The following SEL1L3 variants were observed in gnomAD, a reference collection of about 807,000 sequenced individuals.
SEL1L3 encodes the protein protein sel-1 homolog 3.
In SEL1L3, 76 loss-of-function variants were observed where a neutral mutation model predicts 142.8. That is an observed-to-expected ratio of 0.53 (90% CI 0.44 to 0.64). SEL1L3 has a LOEUF of 0.64. SEL1L3 is among the 30% of genes least tolerant of loss of function. SEL1L3 has a pLI of 0.00. For missense variants in SEL1L3, 1,262 were observed against 1,381.7 expected (o/e 0.91, Z 1.37); for synonymous variants, 504 against 519.6 (o/e 0.97, Z 0.41).
the SEL1L3 span, among the ~76,000 whole-genome samples, chr4:25,730,347 A>AT: frequency 4.7e-3 from 705 of 150,016 alleles, 8 homozygotes; most frequent in African/African-American, 7.7e-3. Context: ...AACTTTTATT[A>AT]TTTTTTTTTT....
In SEL1L3 at chr4:25,847,867, GA is replaced by G. The variant is rs760319427; in HGVS notation, c.163-4del. On this transcript the variant is annotated splice_polypyrimidine_tract_variant and splice_region_variant and intron_variant, in intron 1 of 23. Transcript: ENST00000399878. ...CTACCCAAAGATGGTACAACATTCT[GA>G]AAAAAAGAAAAAGAAAGTAAGAAAT... 6.7e-6 allele frequency: 10 copies of G among 1,496,604 alleles called. No individual in the cohort carries two copies. In the South Asian group the frequency reaches 1.1e-4, roughly 16 times the overall value. 92.7% of individuals were successfully genotyped at this position (1,496,604 alleles called of 1,614,324 possible).
At chr4:25,724,775 AAAGAAATT>A in the SEL1L3 span, among the ~76,000 whole-genome samples, 1 of 145,216 alleles carries the variant, frequency 6.9e-6, no homozygotes, top group South Asian at 2.2e-4. Context: ...AAAAAAAGGA[AAAGAAATT>A]AAAAGGAAAA....
intron 23 of SEL1L3, among the ~76,000 whole-genome samples, chr4:25,754,351 CTTT>C (rs34663888): frequency 1.4e-4 from 20 of 142,656 alleles, no homozygotes; most frequent in Non-Finnish European, 1.5e-4. Flanking sequence ...TTATTGACAA[CTTT>C]TTTTTTTTTT....
chr4:25,779,058 C>A lies in SEL1L3; in HGVS notation c.2585+18G>T. The A allele has an allele frequency of 1.2e-6, 2 of 1,611,156 alleles. No individual in the cohort carries two copies. Among genetic ancestry groups the A allele is most frequent in the Non-Finnish European group, 1.7e-6 (2 of 1,178,298 alleles). On this transcript the variant is annotated intron_variant, in intron 16 of 23. Coordinates refer to ENST00000399878, the MANE Select transcript of SEL1L3 (RefSeq NM_015187.5). Reference sequence around the variant, plus strand: ...GATATGGCTTTCCCTTCAAATGCAACGTTTGACAGAGTCTTACACAACAGC... The same window carrying A: ...GATATGGCTTTCCCTTCAAATGCAAAGTTTGACAGAGTCTTACACAACAGC...
chr4:25,849,653 C>T (rs1350553314), intron 1 of SEL1L3, among the ~76,000 whole-genome samples: 2 of 152,148 alleles, frequency 1.3e-5, no homozygotes, highest in African/African-American at 2.4e-5. Context: ...CTGAACTGTA[C>T]ACTTAGAAAT....
Position 25,857,611 on chromosome 4 carries a change from G to A in SEL1L3, c.162+5064C>T, listed in dbSNP as rs117263637. On this transcript the variant is annotated intron_variant, in intron 1 of 23. Coordinates refer to ENST00000399878, the MANE Select transcript of SEL1L3 (RefSeq NM_015187.5). ...ACTGTTACAGCTGAGGCAATGGAAT[G>A]CCTTCAGAGAGGGTAAGTAACTTGC... Among the ~76,000 whole-genome samples, 37 of 152,320 alleles carry A rather than the reference G, an allele frequency of 2.4e-4. No homozygotes were observed. In the East Asian group the frequency reaches 6.2e-3, roughly 25 times the overall value.
At chr4:25,835,146 CAAAT>C in intron 3 of SEL1L3, 47 bp downstream of exon 3, 1 of 1,605,604 alleles carries the variant, frequency 6.2e-7, no homozygotes. Context: ...CTCTGGTCCT[CAAAT>C]AAAACAAGCA....
the SEL1L3 span, chr4:25,720,909 C>T: frequency 2.0e-5 from 3 of 152,170 alleles, no homozygotes; most frequent in Non-Finnish European, 4.4e-5. Flanking sequence ...GAGAGGACTT[C>T]TAAGGAGTAG....
intron 11 of SEL1L3, among the ~76,000 whole-genome samples, chr4:25,792,040 T>A (rs1017604874): frequency 2.0e-5 from 3 of 151,894 alleles, no homozygotes; most frequent in Non-Finnish European, 1.5e-5. Context: ...ACTCGGGGGC[T>A]GAGATTTGGT....
chr4:25,750,189 C>A (rs893271928), intron 23 of SEL1L3, among the ~76,000 whole-genome samples: 1 of 139,506 alleles, frequency 7.2e-6, no homozygotes, highest in East Asian at 2.2e-4. Flanking sequence ...GAGCTGAGAT[C>A]TTGTCACTGC....
the SEL1L3 span, among the ~76,000 whole-genome samples, chr4:25,733,675 C>A: frequency 6.6e-6 from 1 of 152,000 alleles, no homozygotes; most frequent in Admixed American, 6.6e-5. Context: ...CGCGCACCAC[C>A]GCGCCCGGCT....
chr4:25,814,000 T>C (rs1036982175), intron 9 of SEL1L3, among the ~76,000 whole-genome samples: 1 of 152,094 alleles, frequency 6.6e-6, no homozygotes, highest in Non-Finnish European at 1.5e-5. Flanking sequence ...AATCACACAG[T>C]GTGGGGGAAA....
At chr4:25,719,290 G>T in the SEL1L3 span, 1 of 152,168 alleles carries the variant, frequency 6.6e-6, no homozygotes, top group Non-Finnish European at 1.5e-5. Context: ...CTACTAATGT[G>T]TAAAATAAGA....
At chr4:25,862,424 C>G (rs1717782390) in intron 1 of SEL1L3, among the ~76,000 whole-genome samples, 1 of 151,962 alleles carries the variant, frequency 6.6e-6, no homozygotes, top group Admixed American at 6.5e-5. Flanking sequence ...CGACCCGGGT[C>G]TAGAGAGAGT....
At chr4:25,746,035 A>G (rs1717251797), downstream of SEL1L3, among the ~76,000 whole-genome samples, 1 of 152,166 alleles carries the variant, frequency 6.6e-6, no homozygotes, top group Non-Finnish European at 1.5e-5. Flanking sequence ...CTTTGCTCAA[A>G]TCTCAGTGTT....
At chr4:25,782,935 T>G (rs7676130) in intron 14 of SEL1L3, among the ~76,000 whole-genome samples, 104,080 of 151,952 alleles carry the variant, frequency 0.68, 36,956 homozygotes, top group African/African-American at 0.88. Flanking sequence ...GTTCTGACAG[T>G]GGGTTCAGGG....
the SEL1L3 span, among the ~76,000 whole-genome samples, chr4:25,733,358 T>C: frequency 8.5e-5 from 13 of 152,110 alleles, no homozygotes; most frequent in Non-Finnish European, 5.9e-5. Flanking sequence ...TCCCTCAGTA[T>C]TTCTTATTGT....
chr4:25,850,062 G>A (rs1465535252), intron 1 of SEL1L3, among the ~76,000 whole-genome samples: 3 of 152,192 alleles, frequency 2.0e-5, no homozygotes, highest in Non-Finnish European at 4.4e-5. Flanking sequence ...CATAAGCCGG[G>A]CAAGAGGCAG....
At chr4:25,751,588 G>A (rs963922561) in intron 23 of SEL1L3, among the ~76,000 whole-genome samples, 1 of 151,582 alleles carries the variant, frequency 6.6e-6, no homozygotes, top group African/African-American at 2.4e-5. Context: ...GGTGGAATGC[G>A]AGCCAGGAGT....
Sources: allele counts gnomAD v4.1 joint callset (sites outside exome capture counted in the v4.1 genomes callset), GRCh38; gene constraint gnomAD v4.1.1; transcripts MANE v1.5; gene names NCBI Gene and HGNC (gene_info 2026-07-23, HGNC 2026-07-21).